The following DMD variants were observed in gnomAD, a reference collection of about 807,000 sequenced individuals.
DMD encodes the protein dystrophin.
A neutral mutation model predicts 330.1 loss-of-function variants in DMD; 63 were observed. The ratio of observed to expected loss-of-function variants is 0.19; its 90% confidence interval spans 0.16 to 0.24. The LOEUF is 0.24. DMD is among the 10% of genes least tolerant of loss of function. DMD has a pLI of 1.00. For synonymous variants in DMD, 1,223 were observed against 959.8 expected (o/e 1.27, Z -5.07); for missense variants, 3,344 against 2,684.1 (o/e 1.25, Z -5.43).
chrX:31,908,279 G>A (rs1327851448), intron 47 of DMD, among the ~76,000 whole-genome samples: 7 of 111,553 alleles, frequency 6.3e-5, no homozygotes, highest in East Asian at 2.8e-4. Context: ...TGTTTATTGC[G>A]GCACTATTCA....
chrX:32,640,355 A>G, intron 11 of DMD, among the ~76,000 whole-genome samples: 1 of 109,516 alleles, frequency 9.1e-6, no homozygotes. Flanking sequence ...AACAGAAAAG[A>G]AAAGTATATT....
intron 44 of DMD, among the ~76,000 whole-genome samples, chrX:32,046,516 C>T (rs762295695): frequency 2.7e-5 from 3 of 112,044 alleles, no homozygotes; most frequent in Admixed American, 9.5e-5. Flanking sequence ...TCGAAATCTA[C>T]GTTTCCAAAG....
chrX:31,727,092 T>C (rs2086118293), intron 52 of DMD, among the ~76,000 whole-genome samples: 1 of 111,704 alleles, frequency 9.0e-6, no homozygotes, highest in Non-Finnish European at 1.9e-5. Flanking sequence ...TACATTCATA[T>C]TGTCTTCCTC....
intron 54 of DMD, among the ~76,000 whole-genome samples, chrX:31,645,922 C>G (rs2080068093): frequency 9.0e-6 from 1 of 111,585 alleles, no homozygotes; most frequent in South Asian, 3.8e-4. Context: ...CCATAGAACC[C>G]TTTCTTGAGT....
At chrX:31,439,599 G>A (rs1437036968) in intron 60 of DMD, among the ~76,000 whole-genome samples, 1 of 112,054 alleles carries the variant, frequency 8.9e-6, no homozygotes, top group Non-Finnish European at 1.9e-5. Flanking sequence ...TTTTAAAGGT[G>A]TTTGCATTCC....
In DMD at chrX:31,257,995, T is replaced by C. The variant is rs752347273; in HGVS notation, c.9286+2960A>G. Among the ~76,000 whole-genome samples, 11 of 112,002 alleles carry C rather than the reference T, an allele frequency of 9.8e-5. No homozygotes were observed. In the East Asian group the frequency reaches 3.1e-3, roughly 31 times the overall value. ...ATGTAGCCATATAACAATCATTCTA[T>C]ATGTGCCAGGCAACAGTGAAAGGAG... On this transcript the variant is annotated intron_variant, in intron 63 of 78. Coordinates refer to ENST00000357033, the MANE Select transcript of DMD (RefSeq NM_004006.3).
chrX:31,896,603 T>C (rs2094336953), intron 47 of DMD, among the ~76,000 whole-genome samples: 1 of 111,684 alleles, frequency 9.0e-6, no homozygotes, highest in Admixed American at 9.5e-5. Flanking sequence ...AACTGCCAAA[T>C]TAGAATGTGC....
chrX:32,293,080 G>A (rs1317290936), intron 42 of DMD, among the ~76,000 whole-genome samples: 2 of 112,204 alleles, frequency 1.8e-5, no homozygotes, highest in East Asian at 2.8e-4. Flanking sequence ...CTTTTGTTTC[G>A]CACCTCAATT....
intron 7 of DMD, among the ~76,000 whole-genome samples, chrX:32,807,144 AAAAAAC>A (rs1396861440): frequency 1.3e-4 from 13 of 103,770 alleles, no homozygotes; most frequent in African/African-American, 4.3e-4. Context: ...AAAAAAAAAA[AAAAAAC>A]ATCAACAAAT....
At chrX:32,133,836 G>A (rs1474230963) in intron 44 of DMD, among the ~76,000 whole-genome samples, 3 of 111,339 alleles carry the variant, frequency 2.7e-5, no homozygotes, top group African/African-American at 9.8e-5. Flanking sequence ...TGGCTTCAAA[G>A]GTCCACCCTC....
intron 55 of DMD, among the ~76,000 whole-genome samples, chrX:31,528,937 C>T (rs2073459754): frequency 9.0e-6 from 1 of 110,694 alleles, no homozygotes; most frequent in African/African-American, 3.3e-5. Flanking sequence ...TTGAGATCAG[C>T]CTGGGCAATG....
intron 52 of DMD, among the ~76,000 whole-genome samples, chrX:31,716,854 C>T (rs868356301): frequency 5.4e-5 from 5 of 92,693 alleles, no homozygotes; most frequent in African/African-American, 1.3e-4. Context: ...CACACACACA[C>T]ACATATATAT....
intron 16 of DMD, among the ~76,000 whole-genome samples, chrX:32,553,165 C>A (rs1203282273): frequency 1.8e-5 from 2 of 111,920 alleles, no homozygotes; most frequent in African/African-American, 6.5e-5. Flanking sequence ...TGGAATCAGC[C>A]TAAATGCCCA....
At chrX:31,160,039 C>G (rs887991273) in intron 74 of DMD, among the ~76,000 whole-genome samples, 1 of 112,196 alleles carries the variant, frequency 8.9e-6, no homozygotes, top group African/African-American at 3.2e-5. Flanking sequence ...CAACAACTGG[C>G]CTTTGCATCT....
intron 60 of DMD, among the ~76,000 whole-genome samples, chrX:31,417,199 G>A (rs973898106): frequency 7.1e-5 from 8 of 112,538 alleles, no homozygotes; most frequent in Non-Finnish European, 1.5e-4. Flanking sequence ...TAAGTGCTGG[G>A]TGAATGTAGG....
intron 9 of DMD, among the ~76,000 whole-genome samples, chrX:32,653,135 T>G (rs186501109): frequency 0.01 from 1,123 of 112,173 alleles, 20 homozygotes; most frequent in African/African-American, 0.034. Context: ...GGTAGTTTCT[T>G]TTGCTTTGCA....
intron 50 of DMD, among the ~76,000 whole-genome samples, chrX:31,789,908 C>A (rs962127341): frequency 9.0e-6 from 1 of 111,160 alleles, no homozygotes; most frequent in Non-Finnish European, 1.9e-5. Flanking sequence ...AGGAATTATA[C>A]ATCTTGAGAA....
chrX:32,897,508 G>C (rs1299274075), intron 2 of DMD, among the ~76,000 whole-genome samples: 1 of 111,693 alleles, frequency 9.0e-6, no homozygotes, highest in Non-Finnish European at 1.9e-5. Flanking sequence ...TTTCATACTT[G>C]TTCAATCCAA....
chrX:32,362,582 G>A (rs72468629), intron 37 of DMD, among the ~76,000 whole-genome samples: 1 of 110,604 alleles, frequency 9.0e-6, no homozygotes, highest in Admixed American at 9.7e-5. Flanking sequence ...AAAAGAGACA[G>A]AGAGAGACAG....
Sources: gnomAD v4.1 joint callset for allele counts (sites outside exome capture counted in the v4.1 genomes callset) on GRCh38, gnomAD v4.1.1 for gene constraint, MANE v1.5 for transcripts, NCBI Gene and HGNC (gene_info 2026-07-23, HGNC 2026-07-21) for gene names.